Variants in TRPM3 observed in about 807,000 individuals in gnomAD.
TRPM3 encodes the protein long transient receptor potential channel 3.
Under a neutral mutation model 181.2 loss-of-function variants are expected in TRPM3, and 77 were observed. That is an observed-to-expected ratio of 0.42 (90% CI 0.35 to 0.51). TRPM3 has a LOEUF of 0.51. Among genes scored for constraint, TRPM3 ranks in the 20% least tolerant of loss-of-function variants. The pLI is 0.01. For missense variants in TRPM3, 1,759 were observed against 2,196.7 expected, an observed-to-expected ratio of 0.80 and a Z score of 3.98; for synonymous variants, 745 against 796.4, an observed-to-expected ratio of 0.94 and a Z score of 1.09.
chr9:70,981,182 A>G (rs537866799), intron 1 of TRPM3, among the ~76,000 whole-genome samples: 1 of 152,272 alleles, frequency 6.6e-6, no homozygotes, highest in Admixed American at 6.5e-5. Context: ...TTTGGTCCAG[A>G]GCTTCAGAGG....
At chr9:70,866,330 T>G (rs2095649270) in intron 1 of TRPM3, among the ~76,000 whole-genome samples, 1 of 151,996 alleles carries the variant, frequency 6.6e-6, no homozygotes, top group Non-Finnish European at 1.5e-5. Context: ...TCTGGGAATT[T>G]TAGAGAGTGC....
At chr9:71,206,166 G>C (rs558289182) in intron 1 of TRPM3, among the ~76,000 whole-genome samples, 1 of 152,122 alleles carries the variant, frequency 6.6e-6, no homozygotes, top group East Asian at 1.9e-4. Context: ...TTGAGGAATA[G>C]CCACACTGTT....
intron 1 of TRPM3, among the ~76,000 whole-genome samples, chr9:71,349,665 T>A (rs1172527883): frequency 6.6e-6 from 1 of 152,198 alleles, no homozygotes; most frequent in Non-Finnish European, 1.5e-5. Context: ...ACGATTACAA[T>A]CAACAATCAT....
intron 1 of TRPM3, among the ~76,000 whole-genome samples, chr9:71,225,117 G>T (rs1313570188): frequency 1.3e-5 from 2 of 152,104 alleles, no homozygotes; most frequent in East Asian, 3.9e-4. Flanking sequence ...CTCTATACAA[G>T]AGTGTTACAG....
intron 1 of TRPM3, among the ~76,000 whole-genome samples, chr9:70,967,157 G>A (rs1282900333): frequency 2.6e-5 from 4 of 152,024 alleles, no homozygotes; most frequent in African/African-American, 9.7e-5. Context: ...TCATTCTAAT[G>A]CTATTCAACT....
intron 1 of TRPM3, among the ~76,000 whole-genome samples, chr9:70,943,119 T>C (rs886967914): frequency 6.6e-6 from 1 of 152,086 alleles, no homozygotes; most frequent in African/African-American, 2.4e-5. Flanking sequence ...GTGTCCTTAT[T>C]TGTTAAATAG....
chr9:71,062,582 AAATTC>A (rs1389380323), intron 1 of TRPM3, among the ~76,000 whole-genome samples: 2 of 152,140 alleles, frequency 1.3e-5, no homozygotes, highest in African/African-American at 2.4e-5. Flanking sequence ...GAGCAAATGC[AAATTC>A]AATATACTTA....
chr9:70,564,252 A>C (rs553681110), intron 22 of TRPM3, among the ~76,000 whole-genome samples: 38 of 152,184 alleles, frequency 2.5e-4, no homozygotes, highest in Non-Finnish European at 4.4e-4. Context: ...ACAACAGAAA[A>C]ATTTCAGAGA....
At chr9:70,674,136 CAA>C (rs921840979) in intron 9 of TRPM3, among the ~76,000 whole-genome samples, 1 of 152,086 alleles carries the variant, frequency 6.6e-6, no homozygotes, top group Non-Finnish European at 1.5e-5. Context: ...AGAGGGGCAG[CAA>C]GTCTTGTACA....
intron 1 of TRPM3, among the ~76,000 whole-genome samples, chr9:71,171,851 T>G (rs561816445): frequency 2.6e-5 from 4 of 151,960 alleles, no homozygotes; most frequent in Non-Finnish European, 4.4e-5. Flanking sequence ...TGGCACCACA[T>G]AAGGCTTTTT....
intron 1 of TRPM3, among the ~76,000 whole-genome samples, chr9:71,140,592 A>T (rs2075038661): frequency 6.6e-6 from 1 of 152,294 alleles, no homozygotes; most frequent in African/African-American, 2.4e-5. Flanking sequence ...CTTTAAGGCA[A>T]ATAGGCATAT....
intron 1 of TRPM3, among the ~76,000 whole-genome samples, chr9:71,380,249 G>A (rs893446086): frequency 2.0e-5 from 3 of 151,768 alleles, no homozygotes; most frequent in Admixed American, 1.3e-4. Flanking sequence ...TCAAGTCATG[G>A]GCCATTCCAG....
chr9:71,070,183 T>C (rs1239713705), intron 1 of TRPM3, among the ~76,000 whole-genome samples: 2 of 152,184 alleles, frequency 1.3e-5, no homozygotes, highest in Non-Finnish European at 2.9e-5. Context: ...GTTTCTGAAA[T>C]GGGAGGAGGA....
chr9:70,961,750 A>G (rs1377330319), intron 1 of TRPM3, among the ~76,000 whole-genome samples: 1 of 152,148 alleles, frequency 6.6e-6, no homozygotes, highest in African/African-American at 2.4e-5. Flanking sequence ...TGTTTTACCC[A>G]GGATCCCTAG....
intron 1 of TRPM3, among the ~76,000 whole-genome samples, chr9:70,984,282 C>T (rs1464784507): frequency 6.6e-6 from 1 of 152,140 alleles, no homozygotes; most frequent in Non-Finnish European, 1.5e-5. Flanking sequence ...AAAGCATTAC[C>T]CATTCTAAAG....
At position 71,068,273 on chromosome 9, in the gene TRPM3, T is replaced by C. The variant is rs139394682; in HGVS notation, c.177+52905A>G. On this transcript the variant is annotated intron_variant, in intron 1 of 25. Transcript: ENST00000677713. ...TTTCAATTCTTGGTACACTCAGGAA[T>C]TGGGAATTCAACAGAACTTATTTAT... 5.6e-3 allele frequency among the ~76,000 whole-genome samples: 857 copies of C among 152,350 alleles called. 8 individuals are homozygous for C. Among genetic ancestry groups the C allele is most frequent in the Non-Finnish European group, 9.1e-3 (621 of 68,034 alleles).
intron 9 of TRPM3, among the ~76,000 whole-genome samples, chr9:70,659,762 T>C (rs1012356879): frequency 6.6e-6 from 1 of 152,220 alleles, no homozygotes; most frequent in African/African-American, 2.4e-5. Context: ...TTTTCCTTTT[T>C]TTCCTCACTT....
At chr9:70,682,869 C>T (rs183916774) in intron 8 of TRPM3, among the ~76,000 whole-genome samples, 1 of 152,162 alleles carries the variant, frequency 6.6e-6, no homozygotes, top group African/African-American at 2.4e-5. Context: ...GTATTTCCAA[C>T]TACATAGGAA....
intron 1 of TRPM3, among the ~76,000 whole-genome samples, chr9:71,385,058 C>T (rs898777859): frequency 1.3e-5 from 2 of 152,014 alleles, no homozygotes; most frequent in South Asian, 2.1e-4. Flanking sequence ...CCTCCTTTAG[C>T]GAATGAAAAC....
Sources: gnomAD v4.1 joint callset for allele counts (sites outside exome capture counted in the v4.1 genomes callset) on GRCh38, gnomAD v4.1.1 for gene constraint, MANE v1.5 for transcripts, NCBI Gene and HGNC (gene_info 2026-07-23, HGNC 2026-07-21) for gene names.